GRM8: variants seen among roughly 807,000 people sequenced by gnomAD.
The protein encoded by GRM8 is metabotropic glutamate receptor 8.
In GRM8, 47 loss-of-function variants were observed where a neutral mutation model predicts 87.2. The observed-to-expected ratio is 0.54, with a 90% CI of 0.43 to 0.69. The LOEUF is 0.69. Among genes scored for constraint, GRM8 ranks in the 30% least tolerant of loss-of-function variants. The probability of loss-of-function intolerance (pLI) is 0.00; values close to 1 mark genes in which losing one functional copy is unlikely to be tolerated. For synonymous variants in GRM8, 396 were observed against 404.5 expected (o/e 0.98, Z 0.25); for missense variants, 1,019 against 1,139.2 (o/e 0.89, Z 1.52).
chr7:126,616,754 G>A (rs1052265017), intron 7 of GRM8, among the ~76,000 whole-genome samples: 12 of 152,046 alleles, frequency 7.9e-5, no homozygotes, highest in Non-Finnish European at 1.0e-4. Context: ...ACACCACTGC[G>A]GAAATAAACT....
intron 2 of GRM8, among the ~76,000 whole-genome samples, chr7:127,142,110 G>A (rs1405135788): frequency 6.6e-6 from 1 of 151,850 alleles, no homozygotes; most frequent in Non-Finnish European, 1.5e-5. Flanking sequence ...AGCCTCCCAA[G>A]TTATAGGTAT....
At chr7:127,080,674 T>C (rs995271211) in intron 3 of GRM8, 3 of 152,208 alleles carry the variant, frequency 2.0e-5, no homozygotes, top group Admixed American at 6.5e-5. Flanking sequence ...GAGATTCATT[T>C]TAAGACAAAC....
chr7:126,749,822 C>T (rs1816204457), intron 7 of GRM8, among the ~76,000 whole-genome samples: 1 of 152,054 alleles, frequency 6.6e-6, no homozygotes. Flanking sequence ...ATTAAAATGA[C>T]TGACAATATG....
chr7:126,612,250 A>G (rs1798995292), intron 7 of GRM8, among the ~76,000 whole-genome samples: 1 of 152,208 alleles, frequency 6.6e-6, no homozygotes, highest in South Asian at 2.1e-4. Flanking sequence ...GAGAACATAT[A>G]AACTCAGTGA....
intron 3 of GRM8, among the ~76,000 whole-genome samples, chr7:127,079,838 TTTTTTCC>T (rs2132766733): frequency 6.6e-6 from 1 of 152,116 alleles, no homozygotes; most frequent in Non-Finnish European, 1.5e-5. Context: ...GTAGGTATTT[TTTTTTCC>T]TTAAGTACTC....
intron 6 of GRM8, among the ~76,000 whole-genome samples, chr7:126,773,775 T>A (rs1214857264): frequency 2.6e-5 from 4 of 152,044 alleles, no homozygotes; most frequent in Non-Finnish European, 5.9e-5. Context: ...GTGGGAGGAT[T>A]GCTTGATGTC....
chr7:126,809,184 A>G (rs999614410), intron 6 of GRM8, among the ~76,000 whole-genome samples: 8 of 152,144 alleles, frequency 5.3e-5, no homozygotes, highest in Non-Finnish European at 1.0e-4. Context: ...TTCTTCTTCT[A>G]CTTATAAGGA....
intron 1 of GRM8, among the ~76,000 whole-genome samples, chr7:127,246,326 G>C (rs1427193199): frequency 6.6e-6 from 1 of 152,166 alleles, no homozygotes; most frequent in African/African-American, 2.4e-5. Flanking sequence ...CAGAGCTATA[G>C]ATCCAAATAC....
intron 2 of GRM8, among the ~76,000 whole-genome samples, chr7:127,151,957 T>C (rs914432624): frequency 6.9e-6 from 1 of 145,458 alleles, no homozygotes; most frequent in African/African-American, 2.5e-5. Context: ...TATTAGATGT[T>C]CCTAGTCCCC....
chr7:127,161,874 A>G (rs571457522), intron 2 of GRM8, among the ~76,000 whole-genome samples: 29 of 152,296 alleles, frequency 1.9e-4, no homozygotes, highest in South Asian at 4.1e-4. Context: ...GGATTTAAGG[A>G]TCACTGATTA....
intron 9 of GRM8, chr7:126,512,133 C>T (rs147146679): frequency 1.3e-5 from 2 of 152,192 alleles, no homozygotes; most frequent in African/African-American, 4.8e-5. Context: ...TCTCCCCCAG[C>T]AGAGAGGATG....
chr7:127,131,844 T>C (rs973162994), intron 2 of GRM8, among the ~76,000 whole-genome samples: 11 of 152,340 alleles, frequency 7.2e-5, no homozygotes, highest in Middle Eastern at 6.8e-3. Flanking sequence ...ATCCTTTGTT[T>C]CCTGGAATCT....
At chr7:126,989,402 T>C (rs1812414654) in intron 3 of GRM8, among the ~76,000 whole-genome samples, 1 of 152,230 alleles carries the variant, frequency 6.6e-6, no homozygotes, top group Non-Finnish European at 1.5e-5. Flanking sequence ...TTAAATTCTA[T>C]TAACAATGCC....
chr7:126,812,791 A>C (rs1793425765), intron 6 of GRM8, among the ~76,000 whole-genome samples: 1 of 151,996 alleles, frequency 6.6e-6, no homozygotes, highest in African/African-American at 2.4e-5. Context: ...TAGAAAGTAA[A>C]CATGCATACA....
At chr7:127,185,530 G>A (rs571034798) in intron 2 of GRM8, among the ~76,000 whole-genome samples, 1 of 152,122 alleles carries the variant, frequency 6.6e-6, no homozygotes, top group Admixed American at 6.5e-5. Flanking sequence ...AGAAAACATA[G>A]GAGAAAATTT....
intron 8 of GRM8, among the ~76,000 whole-genome samples, chr7:126,535,548 T>A (rs1250838429): frequency 1.3e-5 from 2 of 152,210 alleles, no homozygotes. Context: ...GTTCTGCAAT[T>A]GTGTTTATAC....
At chr7:126,653,476 A>C (rs1804164180) in intron 7 of GRM8, among the ~76,000 whole-genome samples, 1 of 152,196 alleles carries the variant, frequency 6.6e-6, no homozygotes, top group Non-Finnish European at 1.5e-5. Flanking sequence ...ATTTTGTCTC[A>C]AATTATATTA....
At chr7:127,082,463 C>T (rs989228666) in intron 3 of GRM8, among the ~76,000 whole-genome samples, 1 of 152,098 alleles carries the variant, frequency 6.6e-6, no homozygotes, top group African/African-American at 2.4e-5. Context: ...CAGTTTCTCC[C>T]TTCTTAACCT....
intron 2 of GRM8, among the ~76,000 whole-genome samples, chr7:127,214,447 G>C (rs1279333061): frequency 6.6e-6 from 1 of 152,152 alleles, no homozygotes; most frequent in East Asian, 1.9e-4. Flanking sequence ...TGTTGTATTA[G>C]TCTGTTTTCA....
Sources: gnomAD v4.1 joint callset for allele counts (sites outside exome capture counted in the v4.1 genomes callset) on GRCh38, gnomAD v4.1.1 for gene constraint, MANE v1.5 for transcripts, NCBI Gene and HGNC (gene_info 2026-07-23, HGNC 2026-07-21) for gene names.